Variants in NEK10 observed in about 807,000 individuals in gnomAD.
NEK10 encodes the protein NIMA related kinase 10.
A neutral mutation model predicts 159.8 loss-of-function variants in NEK10; 122 were observed. The ratio of observed to expected loss-of-function variants is 0.76; its 90% CI spans 0.66 to 0.89. The LOEUF (loss-of-function observed/expected upper bound fraction) is 0.89, where lower values mean the gene tolerates loss of function less well. Ranked by LOEUF, NEK10 falls within the 40% of genes least tolerant of loss-of-function variation. The pLI is 0.00. For missense variants in NEK10, 1,342 were observed against 1,323.1 expected, an observed-to-expected ratio of 1.01 and a Z score of -0.22; for synonymous variants, 466 against 457.1, an observed-to-expected ratio of 1.02 and a Z score of -0.25.
intron 23 of NEK10, among the ~76,000 whole-genome samples, chr3:27,212,998 C>A (rs2149105293): frequency 1.1e-5 from 1 of 89,738 alleles, no homozygotes; most frequent in South Asian, 4.2e-4. Context: ...TTGGGCATAC[C>A]CCAAGTAAAT....
intron 23 of NEK10, among the ~76,000 whole-genome samples, chr3:27,208,719 T>C (rs17629230): frequency 0.23 from 35,728 of 152,062 alleles, 4,546 homozygotes; most frequent in Middle Eastern, 0.38. Flanking sequence ...CAGGAAGAAA[T>C]GACATCAATT....
chr3:27,345,556 G>T (rs907675307), intron 4 of NEK10, among the ~76,000 whole-genome samples: 4 of 152,194 alleles, frequency 2.6e-5, no homozygotes, highest in Non-Finnish European at 5.9e-5. Context: ...AAAACTGAGA[G>T]AACCAGCTCC....
At chr3:27,193,852 A>T (rs1178701174) in intron 25 of NEK10, among the ~76,000 whole-genome samples, 1 of 152,002 alleles carries the variant, frequency 6.6e-6, no homozygotes, top group East Asian at 1.9e-4. Context: ...TAGACTGGAA[A>T]CTTCTAGAGA....
intron 20 of NEK10, among the ~76,000 whole-genome samples, chr3:27,286,965 G>T (rs1231954489): frequency 2.0e-5 from 3 of 152,068 alleles, no homozygotes; most frequent in Non-Finnish European, 4.4e-5. Flanking sequence ...ACACACAAAA[G>T]GTTTTCTTAA....
In NEK10 at chr3:27,315,265, G is replaced by A. The variant is rs1053962901; in HGVS notation, c.448-927C>T. Among the ~76,000 whole-genome samples, 12 of 152,266 alleles carry A rather than the reference G, an allele frequency of 7.9e-5. No homozygotes were observed. In the South Asian group the frequency reaches 8.3e-4, roughly 11 times the overall value. On this transcript the variant is annotated intron_variant, in intron 6 of 35. Coordinates refer to ENST00000691995, the MANE Select transcript of NEK10 (RefSeq NM_001394966.1). ...AGTGCACAGGGACGAGTACATGAGCGTGGGAGAGAACAGTCTAGTTCTCCC... is the reference window on the plus strand; with the variant it reads ...AGTGCACAGGGACGAGTACATGAGCATGGGAGAGAACAGTCTAGTTCTCCC...
intron 30 of NEK10, chr3:27,162,259 A>T: frequency 1.1e-6 from 1 of 934,672 alleles, no homozygotes; most frequent in Non-Finnish European, 1.5e-6. Flanking sequence ...AACAGCCCAT[A>T]ATATTTCAAC....
chr3:27,305,658 C>T (rs998056905), intron 11 of NEK10, among the ~76,000 whole-genome samples: 4 of 151,054 alleles, frequency 2.6e-5, no homozygotes, highest in Non-Finnish European at 4.4e-5. Context: ...TTATTCTAGT[C>T]TTCAGAAACT....
chr3:27,303,464 G>A (rs990682177), intron 12 of NEK10, among the ~76,000 whole-genome samples: 6 of 151,960 alleles, frequency 3.9e-5, no homozygotes, highest in African/African-American at 9.7e-5. Flanking sequence ...CATTACCATC[G>A]TCATCCTACA....
intron 22 of NEK10, among the ~76,000 whole-genome samples, chr3:27,257,788 C>CT (rs79727702): frequency 0.079 from 10,253 of 130,346 alleles, 1,441 homozygotes; most frequent in African/African-American, 0.27. Flanking sequence ...TTTCTTTTTT[C>CT]TTTTTTTTTT....
In NEK10 at chr3:27,131,960, T is replaced by G. The variant is rs1373276007; in HGVS notation, c.3001A>C (p.Arg1001=). The stretch of plus-strand genomic sequence containing the variant: ...TTCTTGAATCTCTCTATAACCCTTC[T>G]TTTCAAATTGTGGTGCAAAGCTGGA... ...LPPALHHNLK[R]RVIERFKKSL... Residue 1001 remains arginine, a synonymous_variant, in exon 32 of 36, where the codon AGA becomes CGA. Coordinates refer to ENST00000691995, the MANE Select transcript of NEK10 (RefSeq NM_001394966.1). 3 of 1,608,156 alleles carry G rather than the reference T, an allele frequency of 1.9e-6. No homozygotes were observed. The African/African-American group carries it at 4.0e-5, about 22-fold the overall frequency.
chr3:27,285,519 CAA>C (rs5847456), intron 20 of NEK10, among the ~76,000 whole-genome samples: 3 of 132,098 alleles, frequency 2.3e-5, no homozygotes, highest in East Asian at 2.5e-4. Flanking sequence ...CTTTCAAAAG[CAA>C]AAAAAAAAAA....
intron 26 of NEK10, among the ~76,000 whole-genome samples, chr3:27,188,478 T>C (rs1948822955): frequency 6.6e-6 from 1 of 152,232 alleles, no homozygotes; most frequent in South Asian, 2.1e-4. Context: ...TTTCTCTCTT[T>C]CTGTTATAGA....
At chr3:27,308,690 A>C in intron 10 of NEK10, among the ~76,000 whole-genome samples, 1 of 152,222 alleles carries the variant, frequency 6.6e-6, no homozygotes, top group East Asian at 1.9e-4. Flanking sequence ...TTAGATGAAA[A>C]GACTAAATAT....
At chr3:27,139,820 C>T (rs908493612) in intron 31 of NEK10, among the ~76,000 whole-genome samples, 18 of 152,094 alleles carry the variant, frequency 1.2e-4, no homozygotes, top group Non-Finnish European at 1.9e-4. Flanking sequence ...ACTTGCACAC[C>T]CACTCCCTAA....
At chr3:27,226,147 T>A (rs981443617) in intron 23 of NEK10, among the ~76,000 whole-genome samples, 2 of 151,732 alleles carry the variant, frequency 1.3e-5, no homozygotes, top group East Asian at 3.9e-4. Flanking sequence ...TTCTCCTGCC[T>A]CAGCCTCCGG....
At chr3:27,315,957 T>C (rs2045127335) in intron 6 of NEK10, among the ~76,000 whole-genome samples, 1 of 152,092 alleles carries the variant, frequency 6.6e-6, no homozygotes, top group South Asian at 2.1e-4. Flanking sequence ...GCAAAGAGAA[T>C]AGGAGGCTCA....
At position 27,133,699 on chromosome 3, in the gene NEK10, C is replaced by G. The variant is rs184090742; in HGVS notation, c.2971-1709G>C. On this transcript the variant is annotated intron_variant, in intron 31 of 35. Coordinates refer to ENST00000691995, the MANE Select transcript of NEK10 (RefSeq NM_001394966.1). The stretch of plus-strand genomic sequence containing the variant: ...TGAGGCAGGACAGTTGCTTGAACCC[C>G]GGAGGTGGAGGTTGTGGTGAGCTGA... Among the ~76,000 whole-genome samples the G allele has an allele frequency of 4.1e-3, 630 of 152,200 alleles. 4 individuals are homozygous for G. The highest frequency in any genetic ancestry group is 0.014 in the African/African-American group (599 of 41,532).
intron 30 of NEK10, among the ~76,000 whole-genome samples, chr3:27,159,019 C>T (rs1559530049): frequency 6.6e-6 from 1 of 152,106 alleles, no homozygotes; most frequent in African/African-American, 2.4e-5. Context: ...ACTGATTTGA[C>T]TTTACAGACC....
At chr3:27,229,001 C>G (rs529727743) in intron 23 of NEK10, among the ~76,000 whole-genome samples, 1 of 152,254 alleles carries the variant, frequency 6.6e-6, no homozygotes, top group South Asian at 2.1e-4. Context: ...CCTGACCTAG[C>G]TACAACTGGT....
Sources: allele counts gnomAD v4.1 joint callset (sites outside exome capture counted in the v4.1 genomes callset), GRCh38; gene constraint gnomAD v4.1.1; transcripts MANE v1.5; gene names NCBI Gene and HGNC (gene_info 2026-07-23, HGNC 2026-07-21).